The following SMCHD1 variants were observed in gnomAD, a reference collection of about 807,000 sequenced individuals.
SMCHD1 encodes structural maintenance of chromosomes flexible hinge domain containing 1.
SMCHD1 carries 78 observed loss-of-function variants against 254.7 expected under a neutral mutation model. The observed-to-expected ratio is 0.31, with a 90% confidence interval of 0.26 to 0.37. SMCHD1 has a LOEUF of 0.37. Ranked by LOEUF, SMCHD1 falls within the 10% of genes least tolerant of loss-of-function variation. The pLI is 1.00. For synonymous variants in SMCHD1, 766 were observed against 794.9 expected, an observed-to-expected ratio of 0.96 and a Z score of 0.61; for missense variants, 1,840 against 2,408.1, an observed-to-expected ratio of 0.76 and a Z score of 4.94.
chr18:2,741,745 C>T (rs1435120065), intron 28 of SMCHD1, among the ~76,000 whole-genome samples: 3 of 152,156 alleles, frequency 2.0e-5, no homozygotes, highest in Non-Finnish European at 4.4e-5. Flanking sequence ...TAAACAATCC[C>T]TGCTTCCTAT....
At chr18:2,747,090 A>C (rs1052812981) in intron 29 of SMCHD1, among the ~76,000 whole-genome samples, 4 of 152,210 alleles carry the variant, frequency 2.6e-5, no homozygotes, top group Non-Finnish European at 5.9e-5. Context: ...AAATCTGAGA[A>C]CCAAAGATAG....
intron 17 of SMCHD1, among the ~76,000 whole-genome samples, chr18:2,710,337 T>C (rs1473607815): frequency 6.6e-6 from 1 of 152,232 alleles, no homozygotes; most frequent in Admixed American, 6.5e-5. Flanking sequence ...CCTCCAACTT[T>C]ATTCTTGTTT....
At position 2,750,120 on chromosome 18, in the gene SMCHD1, T is replaced by C; in HGVS notation, c.4005T>C (p.Pro1335=). The C allele has an allele frequency of 6.3e-7, 1 of 1,576,976 alleles. No homozygotes were observed. Among genetic ancestry groups the C allele is most frequent in the Non-Finnish European group, 8.6e-7 (1 of 1,159,598 alleles). The change falls in exon 31 of 48, where the codon CCT becomes CCC. Residue 1335 remains proline, a splice_region_variant and synonymous_variant. Coordinates refer to ENST00000320876, the MANE Select transcript of SMCHD1 (RefSeq NM_015295.3). Reference sequence around the variant, plus strand: ...TGGGAGTATTCAGTGTTTTTGCCCCTAGGTAAGAACCAAAAGTTTGATAGT... The same window carrying C: ...TGGGAGTATTCAGTGTTTTTGCCCCCAGGTAAGAACCAAAAGTTTGATAGT... ...ANLGVFSVFA[P]RGEHTLQVKA... is the part of the protein sequence containing the mutation.
chr18:2,679,857 G>A (rs2073885601), intron 5 of SMCHD1, among the ~76,000 whole-genome samples: 1 of 151,960 alleles, frequency 6.6e-6, no homozygotes. Context: ...ATACTTGATG[G>A]TGTTCTATAG....
Position 2,701,037 on chromosome 18 carries a change from A to G in SMCHD1, c.1647+119A>G, listed in dbSNP as rs1001047847. The G allele has an allele frequency of 4.0e-6, 3 of 759,072 alleles. No homozygotes were observed. In the African/African-American group the frequency reaches 5.3e-5, roughly 13 times the overall value. The allele number at this position is 759,072 out of a possible 1,614,324, so 47.0% of individuals were successfully genotyped here. On this transcript the variant is annotated intron_variant, in intron 12 of 47. Transcript: ENST00000320876. The stretch of plus-strand genomic sequence containing the variant: ...TGCATCAAAAGACTATGATGTATAA[A>G]TTTTTTTATGAGCAGTCAAGTGTTC...
chr18:2,660,105 C>T (rs2073202133), intron 1 of SMCHD1, among the ~76,000 whole-genome samples: 1 of 152,140 alleles, frequency 6.6e-6, no homozygotes, highest in African/African-American at 2.4e-5. Flanking sequence ...GGGCGGATCA[C>T]CTGAGGTCAG....
chr18:2,766,575 C>A (rs1402409407), intron 37 of SMCHD1, among the ~76,000 whole-genome samples: 2 of 152,192 alleles, frequency 1.3e-5, no homozygotes, highest in East Asian at 3.8e-4. Flanking sequence ...TGATTCTTAT[C>A]ATTAGGGAAG....
chr18:2,712,116 T>C (rs1426101058), intron 17 of SMCHD1, among the ~76,000 whole-genome samples: 1 of 152,150 alleles, frequency 6.6e-6, no homozygotes, highest in Non-Finnish European at 1.5e-5. Context: ...ACAACAACAC[T>C]ATATAGACTA....
At chr18:2,666,811 T>G (rs2073453381) in intron 2 of SMCHD1, 59 bp from the exon 3 acceptor site, 1 of 1,348,306 alleles carries the variant, frequency 7.4e-7, no homozygotes, top group Non-Finnish European at 1.0e-6. Context: ...TTCACAATTA[T>G]AAGTTCATTG....
chr18:2,778,442 G>T (rs1368310208), intron 44 of SMCHD1, among the ~76,000 whole-genome samples: 1 of 152,166 alleles, frequency 6.6e-6, no homozygotes, highest in Non-Finnish European at 1.5e-5. Flanking sequence ...CTACGAAATT[G>T]TCTAAGACTC....
At chr18:2,769,853 G>A (rs138245926) in intron 38 of SMCHD1, 33 bp downstream of exon 38, 114 of 1,580,620 alleles carry the variant, frequency 7.2e-5, no homozygotes, top group Non-Finnish European at 8.9e-5. Flanking sequence ...GTTAAACTCC[G>A]TTGTTAGTGA....
intron 5 of SMCHD1, among the ~76,000 whole-genome samples, chr18:2,676,775 TACACAC>T (rs745465819): frequency 9.9e-5 from 15 of 152,174 alleles, no homozygotes; most frequent in Non-Finnish European, 2.1e-4. Flanking sequence ...TCTACACACT[TACACAC>T]ACACACTTTG....
At chr18:2,800,953 A>C (rs1467521464) in intron 47 of SMCHD1, 1 of 152,216 alleles carries the variant, frequency 6.6e-6, no homozygotes, top group East Asian at 1.9e-4. Flanking sequence ...ATTACTATGT[A>C]GCAGAAAGGA....
rs200156169 is a variant in SMCHD1 at position 2,698,019 on chromosome 18, T to C, written c.1320T>C (p.Pro440=). 4.2e-5 allele frequency: 68 copies of C among 1,611,992 alleles called. No homozygotes were observed. The highest frequency in any genetic ancestry group is 1.7e-4 in the Middle Eastern group (1 of 6,056). The part of the protein sequence containing the change: ...HPFLYDRETY[P]DDPCFPSKLK... ...TCTTATATGATAGAGAAACTTACCCTGATGATCCATGCTTTCCATCAAGTA... is the reference window on the plus strand; with the variant it reads ...TCTTATATGATAGAGAAACTTACCCCGATGATCCATGCTTTCCATCAAGTA... The change falls in exon 10 of 48, where the codon CCT becomes CCC. Residue 440 remains proline (P), a synonymous_variant. Transcript: ENST00000320876.
At chr18:2,774,459 C>T (rs2076033944) in intron 41 of SMCHD1, among the ~76,000 whole-genome samples, 1 of 152,106 alleles carries the variant, frequency 6.6e-6, no homozygotes, top group Admixed American at 6.6e-5. Context: ...GTCGCCCAGG[C>T]TGGAATGCAG....
intron 8 of SMCHD1, among the ~76,000 whole-genome samples, chr18:2,696,331 G>A (rs1481741560): frequency 6.6e-6 from 1 of 152,174 alleles, no homozygotes; most frequent in African/African-American, 2.4e-5. Context: ...ACAGTGAGTG[G>A]TGGGCCCGAG....
intron 17 of SMCHD1, among the ~76,000 whole-genome samples, chr18:2,708,867 C>CAT (rs763226355): frequency 0.017 from 139 of 8,264 alleles, 4 homozygotes; most frequent in Non-Finnish European, 0.02. Flanking sequence ...TCAATAACTT[C>CAT]ATATATATAT....
intron 5 of SMCHD1, among the ~76,000 whole-genome samples, chr18:2,688,123 T>C (rs2074093538): frequency 6.6e-6 from 1 of 152,212 alleles, no homozygotes; most frequent in South Asian, 2.1e-4. Context: ...ACTTATTTAG[T>C]CCTGTTTGCT....
At chr18:2,747,470 T>C in intron 29 of SMCHD1, 52 bp from the exon 30 acceptor site, 1 of 1,472,952 alleles carries the variant, frequency 6.8e-7, no homozygotes, top group Non-Finnish European at 9.3e-7. Flanking sequence ...AGTAATTGCA[T>C]TGTTTGGCCC....
Sources: allele counts gnomAD v4.1 joint callset (sites outside exome capture counted in the v4.1 genomes callset), GRCh38; gene constraint gnomAD v4.1.1; transcripts MANE v1.5; gene names NCBI Gene and HGNC (gene_info 2026-07-23, HGNC 2026-07-21).